MAGI2: variants seen among roughly 807,000 people sequenced by gnomAD.
The protein encoded by MAGI2 is membrane-associated guanylate kinase, WW and PDZ domain-containing protein 2.
In MAGI2, 35 loss-of-function variants were observed where a neutral mutation model predicts 133.3. The ratio of observed to expected loss-of-function variants is 0.26; its 90% CI spans 0.20 to 0.35. MAGI2 has a LOEUF of 0.35. Among genes scored for constraint, MAGI2 ranks in the 10% least tolerant of loss-of-function variants. The probability of loss-of-function intolerance (pLI) is 1.00; values close to 1 mark genes in which losing one functional copy is unlikely to be tolerated. For synonymous variants in MAGI2, 729 were observed against 710.6 expected (o/e 1.03, Z -0.41); for missense variants, 1,636 against 1,863.4 (o/e 0.88, Z 2.25).
intron 9 of MAGI2, among the ~76,000 whole-genome samples, chr7:78,276,721 C>T (rs1398004179): frequency 4.6e-5 from 7 of 152,028 alleles, no homozygotes; most frequent in African/African-American, 1.7e-4. Flanking sequence ...ACAATATCAT[C>T]TTTATTTTCA....
chr7:78,056,422 T>G (rs959333819), intron 21 of MAGI2, among the ~76,000 whole-genome samples: 2 of 152,190 alleles, frequency 1.3e-5, no homozygotes, highest in Non-Finnish European at 2.9e-5. Context: ...TCAGCCTAAA[T>G]GCCCATCAAT....
chr7:78,215,309 C>T (rs1321470930), intron 10 of MAGI2, among the ~76,000 whole-genome samples: 1 of 152,076 alleles, frequency 6.6e-6, no homozygotes, highest in Non-Finnish European at 1.5e-5. Flanking sequence ...TCGGTTGTGC[C>T]TGCTTTAAGG....
At chr7:78,833,590 C>T (rs8180805) in intron 2 of MAGI2, among the ~76,000 whole-genome samples, 11,264 of 152,216 alleles carry the variant, frequency 0.074, 507 homozygotes, top group East Asian at 0.2. Context: ...CTGCCTTTGA[C>T]GGCAAAGTGG....
chr7:78,152,567 C>T (rs1477549883), intron 16 of MAGI2, among the ~76,000 whole-genome samples: 1 of 152,150 alleles, frequency 6.6e-6, no homozygotes, highest in Non-Finnish European at 1.5e-5. Flanking sequence ...GAAATTAAGT[C>T]ACAATAATAA....
At chr7:78,418,979 C>A (rs894065827) in intron 6 of MAGI2, among the ~76,000 whole-genome samples, 1 of 151,922 alleles carries the variant, frequency 6.6e-6, no homozygotes, top group Non-Finnish European at 1.5e-5. Context: ...ATTGCCCCTG[C>A]CAAAATGATA....
chr7:79,283,755 C>T (rs2129558181), intron 1 of MAGI2, among the ~76,000 whole-genome samples: 1 of 152,188 alleles, frequency 6.6e-6, no homozygotes, highest in South Asian at 2.1e-4. Flanking sequence ...AATACATATG[C>T]TTGCTGTTTA....
intron 1 of MAGI2, among the ~76,000 whole-genome samples, chr7:79,111,050 A>G (rs895526227): frequency 1.3e-5 from 2 of 152,314 alleles, no homozygotes; most frequent in Admixed American, 1.3e-4. Context: ...TTTCTCAGGT[A>G]TTTCTTTATA....
At chr7:78,383,310 A>T (rs1289949946) in intron 6 of MAGI2, among the ~76,000 whole-genome samples, 1 of 152,020 alleles carries the variant, frequency 6.6e-6, no homozygotes, top group East Asian at 1.9e-4. Flanking sequence ...AACCATTCTC[A>T]CTGGGTAAGA....
chr7:78,109,303 CAAAAAAAAAAAAAA>C (rs71085511), intron 20 of MAGI2, among the ~76,000 whole-genome samples: 50 of 19,946 alleles, frequency 2.5e-3, no homozygotes, highest in African/African-American at 9.0e-3. Context: ...GACTCCGTCT[CAAAAAAAAAAAAAA>C]AAAAAAAAAA....
chr7:79,452,819 A>G lies in MAGI2; in HGVS notation c.301+201T>C, dbSNP rs984436218. 8.4e-6 allele frequency: 5 copies of G among 596,268 alleles called. No individual in the cohort carries two copies. In the Admixed American group the frequency reaches 1.6e-4, roughly 19 times the overall value. 36.9% of individuals were successfully genotyped at this position (596,268 alleles called of 1,614,324 possible). Reference sequence around the variant, plus strand: ...AACTGAGCAAACAAAGTTGCACGCCACACCACAACCTGCCCCTCCCCTCCC... The same window carrying G: ...AACTGAGCAAACAAAGTTGCACGCCGCACCACAACCTGCCCCTCCCCTCCC... On this transcript the variant is annotated intron_variant, in intron 1 of 21. Coordinates refer to ENST00000354212, the MANE Select transcript of MAGI2 (RefSeq NM_012301.4).
intron 2 of MAGI2, among the ~76,000 whole-genome samples, chr7:78,949,994 T>A (rs1801738998): frequency 6.6e-6 from 1 of 152,162 alleles, no homozygotes; most frequent in Non-Finnish European, 1.5e-5. Context: ...TGGAGACTCC[T>A]CAACAGTCCT....
chr7:78,558,195 T>C (rs1005100591), intron 3 of MAGI2, among the ~76,000 whole-genome samples: 1 of 152,188 alleles, frequency 6.6e-6, no homozygotes, highest in Admixed American at 6.5e-5. Context: ...TTCTCACTTT[T>C]AATATATTTA....
chr7:78,889,224 C>A (rs1796531128), intron 2 of MAGI2, among the ~76,000 whole-genome samples: 1 of 152,238 alleles, frequency 6.6e-6, no homozygotes, highest in South Asian at 2.1e-4. Context: ...AAATATGGGA[C>A]TATGTGAGAA....
intron 1 of MAGI2, among the ~76,000 whole-genome samples, chr7:79,100,038 C>T (rs1313860839): frequency 6.6e-6 from 1 of 152,026 alleles, no homozygotes; most frequent in African/African-American, 2.4e-5. Flanking sequence ...TGCTGTTTTT[C>T]TCTGTTTTGT....
chr7:79,024,217 A>G, intron 1 of MAGI2, among the ~76,000 whole-genome samples: 1 of 152,310 alleles, frequency 6.6e-6, no homozygotes, highest in African/African-American at 2.4e-5. Context: ...AAAATCCACA[A>G]AAACAAGCAA....
At chr7:78,538,455 T>G (rs1798142040) in intron 3 of MAGI2, among the ~76,000 whole-genome samples, 1 of 152,360 alleles carries the variant, frequency 6.6e-6, no homozygotes, top group Non-Finnish European at 1.5e-5. Context: ...TACCCATCAA[T>G]GAGCATGAGA....
chr7:79,336,696 T>C (rs955781462), intron 1 of MAGI2, among the ~76,000 whole-genome samples: 17 of 152,238 alleles, frequency 1.1e-4, no homozygotes, highest in South Asian at 4.1e-4. Flanking sequence ...TAAGTGAGAT[T>C]ATATACTATT....
chr7:79,219,797 A>G (rs1175900149), intron 1 of MAGI2, among the ~76,000 whole-genome samples: 3 of 151,996 alleles, frequency 2.0e-5, no homozygotes, highest in African/African-American at 7.3e-5. Context: ...TGCCATCTGC[A>G]TAGGCTATCT....
chr7:78,275,606 G>T (rs1032589509), intron 9 of MAGI2, among the ~76,000 whole-genome samples: 6 of 152,082 alleles, frequency 3.9e-5, no homozygotes, highest in African/African-American at 1.4e-4. Flanking sequence ...GGATGACTGG[G>T]GATGTAACTC....
Sources: gnomAD v4.1 joint callset for allele counts (sites outside exome capture counted in the v4.1 genomes callset) on GRCh38, gnomAD v4.1.1 for gene constraint, MANE v1.5 for transcripts, NCBI Gene and HGNC (gene_info 2026-07-23, HGNC 2026-07-21) for gene names.